The following HGF variants were observed in gnomAD, a reference collection of about 807,000 sequenced individuals.
HGF encodes the protein hepatocyte growth factor.
A neutral mutation model predicts 111.6 loss-of-function variants in HGF; 39 were observed. The observed-to-expected ratio is 0.35, with a 90% CI of 0.27 to 0.46. The LOEUF is 0.46. HGF is among the 20% of genes least tolerant of loss of function. The pLI is 1.00. For missense variants in HGF, 735 were observed against 910.5 expected, an observed-to-expected ratio of 0.81 and a Z score of 2.48; for synonymous variants, 285 against 294.8, an observed-to-expected ratio of 0.97 and a Z score of 0.34.
At chr7:81,713,582 ATAAT>A (rs1300922524) in intron 11 of HGF, among the ~76,000 whole-genome samples, 1 of 152,074 alleles carries the variant, frequency 6.6e-6, no homozygotes, top group African/African-American at 2.4e-5. Flanking sequence ...TTGGGTTTTA[ATAAT>A]TAATAGTAAT....
chr7:81,740,948 G>T (rs9642131), intron 7 of HGF, among the ~76,000 whole-genome samples: 118,882 of 152,040 alleles, frequency 0.78, 46,637 homozygotes, highest in Middle Eastern at 0.88. Context: ...AGCCTCTAAG[G>T]TTTTGGTAAT....
intron 9 of HGF, among the ~76,000 whole-genome samples, chr7:81,722,356 G>A (rs1789886091): frequency 1.3e-5 from 2 of 151,164 alleles, no homozygotes; most frequent in South Asian, 4.2e-4. Context: ...GTAGAGATGG[G>A]GTTTCACCAT....
intron 9 of HGF, among the ~76,000 whole-genome samples, chr7:81,723,076 A>G (rs1389255299): frequency 6.6e-6 from 1 of 152,086 alleles, no homozygotes; most frequent in Admixed American, 6.5e-5. Context: ...TACTAGCCTT[A>G]GTACCCGGGC....
intron 8 of HGF, among the ~76,000 whole-genome samples, chr7:81,726,692 T>C (rs1411848703): frequency 6.6e-6 from 1 of 152,082 alleles, no homozygotes; most frequent in Non-Finnish European, 1.5e-5. Context: ...ACATTTTCAA[T>C]GTAGTACACG....
In HGF at chr7:81,701,099, A is replaced by G. The variant is rs1789267231; in HGVS notation, c.*1482T>C. On this transcript the variant is annotated 3_prime_UTR_variant, in exon 18 of 18. Transcript: ENST00000222390. ...TTTGTTATTCTATTTCTCAACAAAT[A>G]CATGATCTTTAGCTAAGCATGACAA... is the stretch of plus-strand genomic sequence containing the variant. The G allele has an allele frequency of 6.6e-6, 1 of 151,654 alleles. No homozygotes were observed. Among genetic ancestry groups the G allele is most frequent in the South Asian group, 2.1e-4 (1 of 4,832 alleles). 9.4% of individuals were successfully genotyped at this position (151,654 alleles called of 1,614,324 possible).
rs1789307514 is a variant in HGF at position 81,702,492 on chromosome 7, TGTAA to T, written c.*85_*88del. On this transcript the variant is annotated 3_prime_UTR_variant, in exon 18 of 18. Coordinates refer to ENST00000222390, the MANE Select transcript of HGF (RefSeq NM_000601.6). The stretch of plus-strand genomic sequence containing the variant: ...TCTCCAGTAGTTGTCTTAGGATTGT[TGTAA>T]GTGACATTTTAAATTCCACATTCTC... 13 of 1,076,798 alleles carry T rather than the reference TGTAA, an allele frequency of 1.2e-5. No individual in the cohort carries two copies. In the Admixed American group the frequency reaches 1.9e-4, roughly 16 times the overall value. The allele number at this position is 1,076,798 out of a possible 1,614,324, so 66.7% of individuals were successfully genotyped here.
At chr7:81,747,438 T>C (rs978429544) in intron 5 of HGF, among the ~76,000 whole-genome samples, 1 of 152,154 alleles carries the variant, frequency 6.6e-6, no homozygotes, top group East Asian at 1.9e-4. Flanking sequence ...TTGGATAAAT[T>C]ATAAAGGGAC....
At chr7:81,729,841 C>T in intron 7 of HGF, 62 bp from the exon 8 acceptor site, 1 of 1,507,484 alleles carries the variant, frequency 6.6e-7, no homozygotes. Flanking sequence ...TGTCATTTGC[C>T]TCTTAGAGTT....
intron 4 of HGF, chr7:81,755,408 G>A (rs1788713153): frequency 1.3e-5 from 2 of 152,056 alleles, no homozygotes; most frequent in African/African-American, 4.8e-5. Context: ...AATACAAAAA[G>A]GGATTTTATT....
chr7:81,741,173 G>A (rs1295796727), intron 7 of HGF, among the ~76,000 whole-genome samples: 2 of 151,896 alleles, frequency 1.3e-5, no homozygotes, highest in Non-Finnish European at 2.9e-5. Context: ...TTTCATATAT[G>A]TATTTTTTAA....
intron 5 of HGF, among the ~76,000 whole-genome samples, chr7:81,749,439 T>C (rs1185580217): frequency 1.3e-5 from 2 of 152,152 alleles, no homozygotes; most frequent in Non-Finnish European, 1.5e-5. Context: ...TGTATAACTC[T>C]ATAAGGTTCT....
rs1273499960 is a variant in HGF, at chr7:81,732,097, A to G, written c.866-2318T>C. Among the ~76,000 whole-genome samples, 4 of 152,326 alleles carry G rather than the reference A, an allele frequency of 2.6e-5. No homozygotes were observed. The East Asian group carries it at 7.7e-4, about 29-fold the overall frequency. On this transcript the variant is annotated intron_variant, in intron 7 of 17. Coordinates refer to ENST00000222390, the MANE Select transcript of HGF (RefSeq NM_000601.6). The stretch of plus-strand genomic sequence containing the variant: ...CAAGCACTACTCTTATGCTGTGCAC[A>G]TAACTCACAGATCCAGTCTTGATGA...
At chr7:81,743,257 C>T (rs933883684) in intron 7 of HGF, 96 bp downstream of exon 7, 1 of 820,544 alleles carries the variant, frequency 1.2e-6, no homozygotes, top group African/African-American at 1.7e-5. Context: ...ATTAAAGCAT[C>T]AAGTTAAATA....
At chr7:81,728,390 C>T (rs1232531238) in intron 8 of HGF, among the ~76,000 whole-genome samples, 5 of 152,228 alleles carry the variant, frequency 3.3e-5, no homozygotes, top group South Asian at 2.1e-4. Flanking sequence ...GGTATCTTTA[C>T]GTACACAATT....
chr7:81,756,315 C>G, intron 4 of HGF: 2 of 457,820 alleles, frequency 4.4e-6, no homozygotes, highest in Non-Finnish European at 7.7e-6. Context: ...TAACAAGGTA[C>G]AGTGCTCAGC....
At chr7:81,724,510 C>A (rs533550890) in intron 9 of HGF, among the ~76,000 whole-genome samples, 1 of 152,252 alleles carries the variant, frequency 6.6e-6, no homozygotes, top group East Asian at 1.9e-4. Context: ...TACTATACAT[C>A]AGTAATTCCC....
chr7:81,714,007 T>C (rs1184058696), intron 11 of HGF, among the ~76,000 whole-genome samples: 1 of 151,538 alleles, frequency 6.6e-6, no homozygotes, highest in African/African-American at 2.4e-5. Context: ...TGTGTGTGTG[T>C]GTGTGTGTGT....
chr7:81,748,308 C>G (rs867346917), intron 5 of HGF, among the ~76,000 whole-genome samples: 14 of 152,268 alleles, frequency 9.2e-5, no homozygotes, highest in Middle Eastern at 3.4e-3. Context: ...GTTGAAGTCT[C>G]ATCTATTGGA....
At chr7:81,702,872 C>T (rs749791592) in intron 17 of HGF, 115 bp from the exon 18 acceptor site, 1 of 831,052 alleles carries the variant, frequency 1.2e-6, no homozygotes, top group Non-Finnish European at 2.0e-6. Context: ...AGAATAACTG[C>T]AACTGAAATA....
Sources: gnomAD v4.1 joint callset for allele counts (sites outside exome capture counted in the v4.1 genomes callset) on GRCh38, gnomAD v4.1.1 for gene constraint, MANE v1.5 for transcripts, NCBI Gene and HGNC (gene_info 2026-07-23, HGNC 2026-07-21) for gene names.